The following FBXL20 variants were observed in gnomAD, a reference collection of about 807,000 sequenced individuals.
FBXL20 encodes the protein F-box/LRR-repeat protein 20.
Under a neutral mutation model 64.0 loss-of-function variants are expected in FBXL20, and 11 were observed. The observed-to-expected ratio is 0.17, with a 90% CI of 0.11 to 0.28. The LOEUF (loss-of-function observed/expected upper bound fraction) is 0.28. Ranked by LOEUF, FBXL20 falls within the 10% of genes least tolerant of loss-of-function variation. FBXL20 has a pLI of 1.00. For missense variants in FBXL20, 303 were observed against 526.2 expected (o/e 0.58, Z 4.15); for synonymous variants, 184 against 189.0 (o/e 0.97, Z 0.22).
In FBXL20 at chr17:39,261,491, T is replaced by C; in HGVS notation, c.1280A>G (p.Gln427Arg). ...TPPPSVGGSR[Q>R]RFCRCCIIL ...GATGATGCAGCATCTGCAGAAGCGC[T>C]GTCTGCTGCCCCCTACTGATGGGGG... Residue 427 changes from glutamine (Q) to arginine (R), a missense_variant, in exon 15 of 15, where the codon CAG becomes CGG. Coordinates refer to ENST00000264658, the MANE Select transcript of FBXL20 (RefSeq NM_032875.3). The C allele has an allele frequency of 6.2e-7, 1 of 1,613,922 alleles. No individual in the cohort carries two copies. Among genetic ancestry groups the C allele is most frequent in the African/African-American group, 1.3e-5 (1 of 75,038 alleles).
rs754060113 is a variant in FBXL20, at chr17:39,261,433, G to A, written c.*27C>T. 2.6e-6 allele frequency: 4 copies of A among 1,567,436 alleles called. No homozygotes were observed. The East Asian group carries it at 9.0e-5, about 35-fold the overall frequency. On this transcript the variant is annotated 3_prime_UTR_variant, in exon 15 of 15. Transcript: ENST00000264658. Reference sequence around the variant, plus strand: ...CTCTAGAAGTGTCATTAAATACTCAGTTCGCCAAGGTTGACCACCTCCATT... The same window carrying A: ...CTCTAGAAGTGTCATTAAATACTCAATTCGCCAAGGTTGACCACCTCCATT...
intron 1 of FBXL20, among the ~76,000 whole-genome samples, chr17:39,365,419 C>T (rs1054842174): frequency 1.3e-5 from 2 of 152,140 alleles, no homozygotes; most frequent in African/African-American, 4.8e-5. Flanking sequence ...AGTGCATTGC[C>T]GTCTCATGAC....
chr17:39,301,303 G>A (rs917983567), intron 3 of FBXL20, among the ~76,000 whole-genome samples: 4 of 152,110 alleles, frequency 2.6e-5, no homozygotes, highest in African/African-American at 9.7e-5. Flanking sequence ...AGCTACAAAA[G>A]ATCTTAGGCC....
At position 39,308,877 on chromosome 17, in the gene FBXL20, T is replaced by C. The variant is rs146242693; in HGVS notation, c.105-5238A>G. 8.8e-3 allele frequency among the ~76,000 whole-genome samples: 1,347 copies of C among 152,216 alleles called. 45 individuals are homozygous for C. The highest frequency in any genetic ancestry group is 0.058 in the Admixed American group (883 of 15,286). ...ACCGCACCTGGCCTACAATAAAAAA[T>C]TTTTTAAAAGGTAGAGAGGAATACA... is the stretch of plus-strand genomic sequence containing the variant. On this transcript the variant is annotated intron_variant, in intron 2 of 14. Coordinates refer to ENST00000264658, the MANE Select transcript of FBXL20 (RefSeq NM_032875.3).
intron 1 of FBXL20, among the ~76,000 whole-genome samples, chr17:39,397,264 G>T (rs900419740): frequency 2.0e-5 from 3 of 152,120 alleles, no homozygotes; most frequent in Admixed American, 2.0e-4. Context: ...TACATGCTAG[G>T]GTTACAGGTT....
chr17:39,266,244 T>C (rs2046791382), intron 12 of FBXL20, among the ~76,000 whole-genome samples: 1 of 143,590 alleles, frequency 7.0e-6, no homozygotes, highest in Admixed American at 6.9e-5. Flanking sequence ...TTTTTGGAGA[T>C]AGTCTCGCTC....
At chr17:39,323,700 C>T (rs1181563623) in intron 2 of FBXL20, among the ~76,000 whole-genome samples, 1 of 152,078 alleles carries the variant, frequency 6.6e-6, no homozygotes, top group Admixed American at 6.6e-5. Context: ...ACACACCGAC[C>T]ATTCCCTACT....
chr17:39,309,973 G>A (rs2047217530), intron 2 of FBXL20, among the ~76,000 whole-genome samples: 2 of 151,334 alleles, frequency 1.3e-5, no homozygotes, highest in African/African-American at 4.8e-5. Flanking sequence ...TGGGCAACAG[G>A]GCAAAACCAT....
intron 9 of FBXL20, among the ~76,000 whole-genome samples, chr17:39,276,995 G>T (rs2046903400): frequency 6.6e-6 from 1 of 152,114 alleles, no homozygotes; most frequent in Non-Finnish European, 1.5e-5. Flanking sequence ...TCTTCAATTT[G>T]TCCTCCAGAT....
At chr17:39,322,934 A>AG (rs2047371654) in intron 2 of FBXL20, among the ~76,000 whole-genome samples, 1 of 149,134 alleles carries the variant, frequency 6.7e-6, no homozygotes, top group African/African-American at 2.5e-5. Flanking sequence ...CCTCTCAAGT[A>AG]GCTAGGACTA....
chr17:39,281,239 CGTCA>C (rs2046947801), intron 9 of FBXL20, 146 bp downstream of exon 9: 3 of 671,118 alleles, frequency 4.5e-6, no homozygotes, highest in Non-Finnish European at 2.6e-6. Flanking sequence ...TTGTTAAGCA[CGTCA>C]AAAGTCATCT....
chr17:39,342,692 G>C (rs1252010329), intron 2 of FBXL20, among the ~76,000 whole-genome samples: 1 of 152,034 alleles, frequency 6.6e-6, no homozygotes, highest in Non-Finnish European at 1.5e-5. Flanking sequence ...ACTCCAGCCT[G>C]GGCGACAGAG....
chr17:39,266,194 G>A (rs1170463383), intron 12 of FBXL20, among the ~76,000 whole-genome samples: 2 of 142,972 alleles, frequency 1.4e-5, no homozygotes, highest in South Asian at 2.3e-4. Flanking sequence ...TCAGCCTCCC[G>A]AGTAGCTGGG....
At chr17:39,292,652 G>A (rs993347476) in intron 6 of FBXL20, among the ~76,000 whole-genome samples, 4 of 151,226 alleles carry the variant, frequency 2.6e-5, no homozygotes, top group East Asian at 1.9e-4. Flanking sequence ...AGAGTTTTTC[G>A]CTTGTTGCCC....
intron 2 of FBXL20, among the ~76,000 whole-genome samples, chr17:39,333,626 A>C (rs1406797021): frequency 2.1e-5 from 3 of 144,288 alleles, no homozygotes. Flanking sequence ...ATGTGAGGAG[A>C]CCCTCTGCCC....
chr17:39,337,054 T>C (rs1019931816), intron 2 of FBXL20, among the ~76,000 whole-genome samples: 2 of 151,152 alleles, frequency 1.3e-5, no homozygotes, highest in Non-Finnish European at 2.9e-5. Flanking sequence ...TGGACTGTAC[T>C]GCTGCCATCT....
chr17:39,342,590 G>A (rs879481492), intron 2 of FBXL20, among the ~76,000 whole-genome samples: 118 of 152,234 alleles, frequency 7.8e-4, no homozygotes, highest in Non-Finnish European at 1.4e-3. Flanking sequence ...GGTGGCGGGC[G>A]CCTGTAGTCC....
chr17:39,402,296 G>GCCT, upstream of FBXL20: 1 of 898,214 alleles, frequency 1.1e-6, no homozygotes, highest in Non-Finnish European at 1.5e-6. Context: ...CGCCGCCGCC[G>GCCT]CCTCCCCCGC....
chr17:39,325,832 T>TA (rs200363783), intron 2 of FBXL20, among the ~76,000 whole-genome samples: 130 of 151,102 alleles, frequency 8.6e-4, no homozygotes, highest in Middle Eastern at 3.4e-3. Context: ...AACTATCTGC[T>TA]AAAAAAAAAT....
Sources: allele counts gnomAD v4.1 joint callset (sites outside exome capture counted in the v4.1 genomes callset), GRCh38; gene constraint gnomAD v4.1.1; transcripts MANE v1.5; gene names NCBI Gene and HGNC (gene_info 2026-07-23, HGNC 2026-07-21).